The following SMU1 variants were observed in gnomAD, a reference collection of about 807,000 sequenced individuals.
The protein encoded by SMU1 is WD40 repeat-containing protein SMU1.
In SMU1, 2 loss-of-function variants were observed where a neutral mutation model predicts 62.0. That is an observed-to-expected ratio of 0.03 (90% CI 0.01 to 0.10). SMU1 has a LOEUF of 0.10. Ranked by LOEUF, SMU1 falls within the 10% of genes least tolerant of loss-of-function variation. The pLI is 1.00. For missense variants in SMU1, 227 were observed against 622.1 expected (o/e 0.36, Z 6.76); for synonymous variants, 188 against 212.4 (o/e 0.89, Z 1.00).
rs554123198 is a variant in SMU1 at position 33,044,456 on chromosome 9, C to G, written c.*2837G>C. ...CTCCGACCACCCGGAGCAGCGGCGC[C>G]CCAGATCCGGCCGTCCGCCCTGCGC... On this transcript the variant is annotated 3_prime_UTR_variant, in exon 12 of 12. Transcript: ENST00000397149. The G allele has an allele frequency of 6.6e-6, 1 of 152,538 alleles. No homozygotes were observed. Among genetic ancestry groups the G allele is most frequent in the African/African-American group, 2.4e-5 (1 of 41,576 alleles). 9.4% of individuals were successfully genotyped at this position (152,538 alleles called of 1,614,324 possible).
chr9:33,075,334 G>A (rs964304299), intron 1 of SMU1, among the ~76,000 whole-genome samples: 5 of 151,860 alleles, frequency 3.3e-5, no homozygotes, highest in Admixed American at 1.3e-4. Flanking sequence ...CGGAGATCGC[G>A]CCACTGCATT....
At position 33,050,848 on chromosome 9, in the gene SMU1, G is replaced by A. The variant is rs1389489875; in HGVS notation, c.1290+2275C>T. ...CTCAAAAAAAAAAATAAGGCCGGGC[G>A]CGGTGGCTCACGCCTGTAATCCCAG... On this transcript the variant is annotated intron_variant, in intron 10 of 11. Coordinates refer to ENST00000397149, the MANE Select transcript of SMU1 (RefSeq NM_018225.3). 5.1e-5 allele frequency among the ~76,000 whole-genome samples: 4 copies of A among 78,184 alleles called. 1 individual carries two copies. Among genetic ancestry groups the A allele is most frequent in the African/African-American group, 9.4e-5 (2 of 21,178 alleles). The allele number at this position is 78,184 out of a possible 152,430, so 51.3% of individuals were successfully genotyped here. A position where few individuals can be genotyped will look rare whatever the true frequency, so the allele number is the denominator to read the frequency against.
At chr9:33,060,627 T>C (rs369060664) in intron 5 of SMU1, 43 bp from the exon 6 acceptor site, 6 of 1,603,670 alleles carry the variant, frequency 3.7e-6, no homozygotes, top group African/African-American at 1.3e-5. Context: ...TTTTATCTAG[T>C]GGACTTAAAA....
At chr9:33,075,293 C>A (rs912153104) in intron 1 of SMU1, among the ~76,000 whole-genome samples, 62 of 152,036 alleles carry the variant, frequency 4.1e-4, no homozygotes, top group Non-Finnish European at 3.4e-4. Context: ...AGGAGAATGG[C>A]GTGAACGTGG....
At position 33,046,056 on chromosome 9, in the gene SMU1, C is replaced by T. The variant is rs541902595; in HGVS notation, c.*1237G>A. On this transcript the variant is annotated 3_prime_UTR_variant, in exon 12 of 12. Transcript: ENST00000397149. ...GTGCTCTATACATCTTCAGTTGAAA[C>T]GTGAAACAGACATCCATATGCAAAA... 2.6e-5 allele frequency: 4 copies of T among 152,288 alleles called. No homozygotes were observed. In the South Asian group the frequency reaches 6.2e-4, roughly 24 times the overall value. 9.4% of individuals were successfully genotyped at this position (152,288 alleles called of 1,614,324 possible).
intron 3 of SMU1, 30 bp downstream of exon 3, chr9:33,071,710 A>C (rs1203807633): frequency 6.3e-7 from 1 of 1,583,244 alleles, no homozygotes; most frequent in Admixed American, 2.0e-5. Context: ...AAAGTTAACA[A>C]AAAGTTCCTT....
chr9:33,071,302 T>C (rs573834239), intron 3 of SMU1, among the ~76,000 whole-genome samples: 6 of 152,202 alleles, frequency 3.9e-5, no homozygotes, highest in Admixed American at 1.3e-4. Context: ...TAAAAGACTA[T>C]CATCATGCTC....
Position 33,068,917 on chromosome 9 carries a change from A to G in SMU1, c.408T>C (p.Ser136=), listed in dbSNP as rs114442462. The stretch of plus-strand genomic sequence containing the variant: ...TTGCTGCTCTTCTCTTTTCTTTGCT[A>G]CTTCCATCTGGGTATGCCTGAAAAA... ...FDPREAYPDG[S]SKEKRRAAIA... Residue 136 remains serine, a synonymous_variant, in exon 4 of 12, where the codon AGT becomes AGC. Transcript: ENST00000397149. 2.0e-5 allele frequency: 33 copies of G among 1,614,042 alleles called. No homozygotes were observed. The African/African-American group carries it at 3.5e-4, about 17-fold the overall frequency.
At chr9:33,062,545 G>A (rs771003660) in intron 4 of SMU1, among the ~76,000 whole-genome samples, 6 of 151,960 alleles carry the variant, frequency 3.9e-5, no homozygotes, top group Non-Finnish European at 7.4e-5. Flanking sequence ...CCCCACATAT[G>A]TGTTTCATTA....
chr9:33,053,401 G>GA, intron 9 of SMU1, 111 bp from the exon 10 acceptor site: 2 of 1,138,184 alleles, frequency 1.8e-6, no homozygotes, highest in Non-Finnish European at 2.5e-6. Flanking sequence ...TGATTCAGGG[G>GA]AAAAAAGTTT....
chr9:33,072,043 A>G (rs1017380773), intron 2 of SMU1, 151 bp from the exon 3 acceptor site: 2 of 792,172 alleles, frequency 2.5e-6, no homozygotes, highest in Admixed American at 3.7e-5. Context: ...TAGCAATTTC[A>G]GGTGGACTTG....
chr9:33,069,909 T>C (rs1488982753), intron 3 of SMU1, among the ~76,000 whole-genome samples: 1 of 152,104 alleles, frequency 6.6e-6, no homozygotes, highest in Non-Finnish European at 1.5e-5. Flanking sequence ...GTGGACTGCT[T>C]GAGGCCAGGA....
chr9:33,062,809 G>A (rs1334466881), intron 4 of SMU1, among the ~76,000 whole-genome samples: 1 of 152,040 alleles, frequency 6.6e-6, no homozygotes, highest in Non-Finnish European at 1.5e-5. Flanking sequence ...CCCTCCTAGG[G>A]TATATTCCTG....
rs1301983566 is a variant in SMU1, at chr9:33,047,119, T to TA, written c.*173dup. On this transcript the variant is annotated 3_prime_UTR_variant, in exon 12 of 12. Transcript: ENST00000397149. ...GATAAACTAATACCTTAAAAATATA[T>TA]AAAAAAAGAAAGGGTAGTTGCTACT... 2 of 511,678 alleles carry TA rather than the reference T, an allele frequency of 3.9e-6. No homozygotes were observed. The highest frequency in any genetic ancestry group is 6.9e-6 in the Non-Finnish European group (2 of 290,374). 31.7% of individuals were successfully genotyped at this position (511,678 alleles called of 1,614,324 possible). A position where few individuals can be genotyped will look rare whatever the true frequency, so the allele number is the denominator to read the frequency against.
chr9:33,067,455 G>A (rs1208576455), intron 4 of SMU1, among the ~76,000 whole-genome samples: 1 of 151,270 alleles, frequency 6.6e-6, no homozygotes, highest in Non-Finnish European at 1.5e-5. Context: ...CTTAAACGAT[G>A]CACTGCTATT....
At chr9:33,073,257 G>T (rs1839507707) in intron 2 of SMU1, among the ~76,000 whole-genome samples, 1 of 151,996 alleles carries the variant, frequency 6.6e-6, no homozygotes, top group Non-Finnish European at 1.5e-5. Flanking sequence ...AATTAGGCAG[G>T]CGTGGTGGTG....
chr9:33,060,020 T>C (rs1345246159), intron 6 of SMU1, among the ~76,000 whole-genome samples: 1 of 152,164 alleles, frequency 6.6e-6, no homozygotes, highest in African/African-American at 2.4e-5. Flanking sequence ...ATACCGTTTT[T>C]TGCTTTTTGT....
intron 4 of SMU1, among the ~76,000 whole-genome samples, chr9:33,066,041 C>T (rs1839415922): frequency 6.6e-6 from 1 of 152,132 alleles, no homozygotes; most frequent in Non-Finnish European, 1.5e-5. Context: ...GCTGACCAGC[C>T]CAAGAGAACA....
At chr9:33,048,330 C>G in intron 10 of SMU1, 72 bp from the exon 11 acceptor site, 2 of 1,567,876 alleles carry the variant, frequency 1.3e-6, no homozygotes, top group Non-Finnish European at 1.7e-6. Context: ...GCATTTTAAA[C>G]TGACATTTTT....
Sources: gnomAD v4.1 joint callset for allele counts (sites outside exome capture counted in the v4.1 genomes callset) on GRCh38, gnomAD v4.1.1 for gene constraint, MANE v1.5 for transcripts, NCBI Gene and HGNC (gene_info 2026-07-23, HGNC 2026-07-21) for gene names.